The following ZFPM2 variants were observed in gnomAD, a reference collection of about 807,000 sequenced individuals.
ZFPM2 encodes zinc finger protein, FOG family member 2.
A neutral mutation model predicts 98.6 loss-of-function variants in ZFPM2; 20 were observed. The observed-to-expected ratio is 0.20, with a 90% CI of 0.14 to 0.29. The LOEUF (loss-of-function observed/expected upper bound fraction) is 0.29, where lower values mean the gene tolerates loss of function less well. Among genes scored for constraint, ZFPM2 ranks in the 10% least tolerant of loss-of-function variants. ZFPM2 has a pLI of 1.00. For missense variants in ZFPM2, 1,310 were observed against 1,388.6 expected (o/e 0.94, Z 0.90); for synonymous variants, 518 against 502.7 (o/e 1.03, Z -0.41).
intron 4 of ZFPM2, among the ~76,000 whole-genome samples, chr8:105,617,297 T>A (rs1241542651): frequency 6.6e-6 from 1 of 152,154 alleles, no homozygotes; most frequent in African/African-American, 2.4e-5. Flanking sequence ...CCTGTGCTCT[T>A]TACTGAGGCT....
chr8:105,479,494 C>T (rs1285175961), intron 3 of ZFPM2, among the ~76,000 whole-genome samples: 1 of 152,142 alleles, frequency 6.6e-6, no homozygotes. Context: ...TCTTCCAAAA[C>T]ATTTACATAA....
rs145081852 is a variant in ZFPM2 at position 105,517,021 on chromosome 8, T to C, written c.302-44342T>C. On this transcript the variant is annotated intron_variant, in intron 3 of 7. Coordinates refer to ENST00000407775, the MANE Select transcript of ZFPM2 (RefSeq NM_012082.4). The stretch of plus-strand genomic sequence containing the variant: ...TGAAAAGAATCTTCTATTCATCGTC[T>C]GAGTAACTTTCACTTACTTGTTGAC... Among the ~76,000 whole-genome samples the C allele has an allele frequency of 2.0e-3, 308 of 152,352 alleles. 3 individuals are homozygous for C. The highest frequency in any genetic ancestry group is 2.5e-3 in the East Asian group (13 of 5,188).
At chr8:105,523,524 G>A (rs1234532506) in intron 3 of ZFPM2, among the ~76,000 whole-genome samples, 2 of 152,118 alleles carry the variant, frequency 1.3e-5, no homozygotes, top group Non-Finnish European at 2.9e-5. Flanking sequence ...GGCCCAACCA[G>A]GAATATACTA....
chr8:105,690,465 G>A (rs1363922123), intron 5 of ZFPM2, among the ~76,000 whole-genome samples: 7 of 152,102 alleles, frequency 4.6e-5, no homozygotes, highest in African/African-American at 1.2e-4. Flanking sequence ...GAAGGACACC[G>A]GACAGGAACC....
At chr8:105,612,091 C>T (rs563244029) in intron 4 of ZFPM2, among the ~76,000 whole-genome samples, 2 of 152,180 alleles carry the variant, frequency 1.3e-5, no homozygotes, top group Admixed American at 6.5e-5. Flanking sequence ...TGAGACTTGA[C>T]CATTTGTAAT....
At chr8:105,777,722 A>G (rs970123206) in intron 5 of ZFPM2, among the ~76,000 whole-genome samples, 1 of 152,222 alleles carries the variant, frequency 6.6e-6, no homozygotes, top group Non-Finnish European at 1.5e-5. Context: ...TTATTCAAAA[A>G]CTATTGTAAA....
chr8:105,558,714 A>G (rs1392787561), intron 3 of ZFPM2, among the ~76,000 whole-genome samples: 2 of 152,128 alleles, frequency 1.3e-5, no homozygotes, highest in Non-Finnish European at 2.9e-5. Flanking sequence ...TACTTTTTTA[A>G]AGGGTTTTCA....
chr8:105,628,393 G>A (rs553211810), intron 4 of ZFPM2, among the ~76,000 whole-genome samples: 4 of 152,102 alleles, frequency 2.6e-5, no homozygotes, highest in African/African-American at 4.8e-5. Flanking sequence ...TCTAATTGAC[G>A]GGAACAGGAG....
intron 5 of ZFPM2, among the ~76,000 whole-genome samples, chr8:105,668,273 G>A (rs895569655): frequency 2.6e-5 from 4 of 152,106 alleles, no homozygotes; most frequent in African/African-American, 9.7e-5. Context: ...AAATAAAAAG[G>A]ATTTTTAAAC....
At chr8:105,650,472 G>A (rs1262914230) in intron 5 of ZFPM2, among the ~76,000 whole-genome samples, 1 of 152,138 alleles carries the variant, frequency 6.6e-6, no homozygotes, top group East Asian at 1.9e-4. Flanking sequence ...TGATATTAGG[G>A]TGTCAATTTT....
At chr8:105,730,037 A>C (rs1811895178) in intron 5 of ZFPM2, among the ~76,000 whole-genome samples, 1 of 151,458 alleles carries the variant, frequency 6.6e-6, no homozygotes, top group African/African-American at 2.4e-5. Flanking sequence ...TTACCTACTT[A>C]TTTAATTTAA....
At chr8:105,380,695 AACATATATAATAT>A (rs1810844921) in intron 1 of ZFPM2, among the ~76,000 whole-genome samples, 1 of 14,190 alleles carries the variant, frequency 7.0e-5, no homozygotes, top group Non-Finnish European at 1.2e-4. Flanking sequence ...TATTATATAT[AACATATATAATAT>A]ATATATATAT....
intron 5 of ZFPM2, among the ~76,000 whole-genome samples, chr8:105,732,494 T>G (rs981223323): frequency 2.6e-5 from 4 of 151,812 alleles, no homozygotes; most frequent in African/African-American, 9.7e-5. Context: ...ACATTCCACA[T>G]GCGAACATTC....
chr8:105,398,457 T>G (rs749969795), intron 1 of ZFPM2, among the ~76,000 whole-genome samples: 47 of 152,338 alleles, frequency 3.1e-4, no homozygotes, highest in Non-Finnish European at 3.7e-4. Context: ...CTTCTCCAAT[T>G]ATTTTTTAGA....
intron 1 of ZFPM2, among the ~76,000 whole-genome samples, chr8:105,398,041 T>C (rs1047777508): frequency 1.3e-5 from 2 of 152,082 alleles, no homozygotes; most frequent in African/African-American, 4.8e-5. Context: ...CGCAGGTCAA[T>C]TCATGTATTT....
chr8:105,332,891 T>C (rs1019501349), intron 1 of ZFPM2, among the ~76,000 whole-genome samples: 3 of 151,702 alleles, frequency 2.0e-5, no homozygotes, highest in Non-Finnish European at 3.0e-5. Context: ...TGAAACTATG[T>C]GAGTGACAGA....
chr8:105,441,503 C>CGAAAAAAAGAAAG (rs1563660188), intron 2 of ZFPM2, among the ~76,000 whole-genome samples: 1 of 53,344 alleles, frequency 1.9e-5, no homozygotes, highest in Non-Finnish European at 4.1e-5. Flanking sequence ...AGAAAGAAAT[C>CGAAAAAAAGAAAG]AAAGCCCAGG....
At chr8:105,799,325 A>ATAGG (rs1813930392) in intron 7 of ZFPM2, among the ~76,000 whole-genome samples, 1 of 152,234 alleles carries the variant, frequency 6.6e-6, no homozygotes, top group Admixed American at 6.5e-5. Context: ...GGAAGAAATA[A>ATAGG]TAGGTACATA....
At chr8:105,378,693 G>A (rs1006751951) in intron 1 of ZFPM2, among the ~76,000 whole-genome samples, 2 of 152,112 alleles carry the variant, frequency 1.3e-5, no homozygotes, top group Non-Finnish European at 2.9e-5. Flanking sequence ...AACAAAAACT[G>A]TTGGGGAGGT....
Sources: gnomAD v4.1 joint callset for allele counts (sites outside exome capture counted in the v4.1 genomes callset) on GRCh38, gnomAD v4.1.1 for gene constraint, MANE v1.5 for transcripts, NCBI Gene and HGNC (gene_info 2026-07-23, HGNC 2026-07-21) for gene names.